TGFBRAP1: variants seen among roughly 807,000 people sequenced by gnomAD.
TGFBRAP1 encodes transforming growth factor beta receptor associated protein 1, also known as transforming growth factor-beta receptor-associated protein 1.
A neutral mutation model predicts 83.2 loss-of-function variants in TGFBRAP1; 20 were observed. The observed-to-expected ratio is 0.24, with a 90% CI of 0.17 to 0.35. The LOEUF (loss-of-function observed/expected upper bound fraction) is 0.35, where lower values mean the gene tolerates loss of function less well. Among genes scored for constraint, TGFBRAP1 ranks in the 10% least tolerant of loss-of-function variants. TGFBRAP1 has a pLI of 1.00. For synonymous variants in TGFBRAP1, 415 were observed against 459.8 expected (o/e 0.90, Z 1.25); for missense variants, 950 against 1,099.4 (o/e 0.86, Z 1.92).
chr2:105,322,886 G>GA (rs1558657929), intron 1 of TGFBRAP1, among the ~76,000 whole-genome samples: 1 of 152,152 alleles, frequency 6.6e-6, no homozygotes, highest in East Asian at 1.9e-4. Context: ...GACAAAAGTT[G>GA]CCATAGATCC....
In TGFBRAP1 at chr2:105,274,672, C is replaced by T. The variant is rs150692498; in HGVS notation, c.1665+888G>A. Among the ~76,000 whole-genome samples, 397 of 152,250 alleles carry T rather than the reference C, an allele frequency of 2.6e-3. 3 individuals carry two copies. The highest frequency in any genetic ancestry group is 9.0e-3 in the African/African-American group (375 of 41,548). On this transcript the variant is annotated intron_variant, in intron 8 of 11. Transcript: ENST00000393359. ...AGCAGGTCAGGATGTGCTCTGCAGG[C>T]GTGTGCACAGAGGCAAAGTAAAGAT... is the stretch of plus-strand genomic sequence containing the variant.
At chr2:105,303,078 C>T (rs535736197) in intron 2 of TGFBRAP1, among the ~76,000 whole-genome samples, 1 of 152,270 alleles carries the variant, frequency 6.6e-6, no homozygotes, top group East Asian at 1.9e-4. Context: ...AAAGGAGATA[C>T]AGGTACAATG....
the TGFBRAP1 span, among the ~76,000 whole-genome samples, chr2:105,253,623 G>A: frequency 3.3e-5 from 5 of 152,054 alleles, no homozygotes; most frequent in African/African-American, 1.2e-4. Flanking sequence ...TTTGTAGAAA[G>A]AGGGTCTCAC....
chr2:105,268,737 A>G (rs17030722), intron 11 of TGFBRAP1, among the ~76,000 whole-genome samples: 5,800 of 152,274 alleles, frequency 0.038, 129 homozygotes, highest in African/African-American at 0.057. Flanking sequence ...GCCATGTGGA[A>G]TTTAGGCCCA....
intron 5 of TGFBRAP1, among the ~76,000 whole-genome samples, chr2:105,284,050 C>A (rs562546757): frequency 6.6e-6 from 1 of 152,272 alleles, no homozygotes; most frequent in African/African-American, 2.4e-5. Context: ...GCAAAACAAT[C>A]TCGATGCCTC....
intron 8 of TGFBRAP1, 67 bp from the exon 9 acceptor site, chr2:105,273,757 G>T (rs896721012): frequency 8.3e-6 from 13 of 1,563,304 alleles, no homozygotes; most frequent in Non-Finnish European, 1.0e-5. Flanking sequence ...CTTTATTTTG[G>T]TCATTGCACA....
In TGFBRAP1 at chr2:105,269,048, G is replaced by A. The variant is rs117962371; in HGVS notation, c.2406+224C>T. Among the ~76,000 whole-genome samples, 69 of 152,268 alleles carry A rather than the reference G, an allele frequency of 4.5e-4. No homozygotes were observed. The highest frequency in any genetic ancestry group is 3.3e-3 in the East Asian group (17 of 5,184). ...CCTACAGACTCTCTTAATCACCAGC[G>A]TCCAAAAGGGGAGAAAAACTACACC... On this transcript the variant is annotated intron_variant, in intron 11 of 11. Coordinates refer to ENST00000393359, the MANE Select transcript of TGFBRAP1 (RefSeq NM_004257.6). The surrounding 1 kb of genome is among the most constrained non-coding windows in gnomAD (Gnocchi z 4.1).
At chr2:105,250,944 G>A in the TGFBRAP1 span, among the ~76,000 whole-genome samples, 1 of 152,230 alleles carries the variant, frequency 6.6e-6, no homozygotes, top group East Asian at 1.9e-4. Flanking sequence ...ACGGAGTCGC[G>A]TTCACTCAGT....
At chr2:105,258,509 G>T in the TGFBRAP1 span, among the ~76,000 whole-genome samples, 4 of 151,758 alleles carry the variant, frequency 2.6e-5, no homozygotes, top group Non-Finnish European at 5.9e-5. Context: ...GCTTGAGCTG[G>T]GATATCTCCT....
the TGFBRAP1 span, chr2:105,249,801 G>C: frequency 1.3e-5 from 2 of 152,200 alleles, no homozygotes; most frequent in East Asian, 3.9e-4. Flanking sequence ...GGCACAGAGG[G>C]AGCACCACAG....
At chr2:105,261,708 C>T (rs564991237), downstream of TGFBRAP1, among the ~76,000 whole-genome samples, 11 of 152,038 alleles carry the variant, frequency 7.2e-5, no homozygotes, top group African/African-American at 1.4e-4. Flanking sequence ...GCCGAGATCA[C>T]GCCACTGCAC....
At chr2:105,258,817 C>G in the TGFBRAP1 span, among the ~76,000 whole-genome samples, 3 of 151,718 alleles carry the variant, frequency 2.0e-5, no homozygotes, top group Non-Finnish European at 2.9e-5. Context: ...TCTGGAGAAC[C>G]CTGCCTGTTG....
At chr2:105,273,194 T>A (rs1677219784) in intron 9 of TGFBRAP1, among the ~76,000 whole-genome samples, 180 bp from the exon 10 acceptor site, 1 of 152,158 alleles carries the variant, frequency 6.6e-6, no homozygotes, top group East Asian at 1.9e-4. Context: ...TTACCATCTA[T>A]GGGGAATAGA....
intron 1 of TGFBRAP1, among the ~76,000 whole-genome samples, chr2:105,317,179 C>A (rs1411312953): frequency 6.6e-6 from 1 of 151,930 alleles, no homozygotes; most frequent in Admixed American, 6.6e-5. Context: ...TGGCTCACGC[C>A]TGTAATCCCA....
intron 5 of TGFBRAP1, among the ~76,000 whole-genome samples, chr2:105,283,668 G>C (rs990304919): frequency 6.6e-6 from 1 of 152,210 alleles, no homozygotes; most frequent in African/African-American, 2.4e-5. Flanking sequence ...CTCAGCTGTG[G>C]GACAAGGGCA....
intron 1 of TGFBRAP1, among the ~76,000 whole-genome samples, chr2:105,322,571 G>A (rs987186423): frequency 1.8e-4 from 27 of 152,074 alleles, no homozygotes; most frequent in African/African-American, 6.3e-4. Context: ...TCTGTGTTTA[G>A]ATGTGTTCAG....
intron 1 of TGFBRAP1, among the ~76,000 whole-genome samples, chr2:105,315,510 A>C (rs975317892): frequency 4.0e-4 from 61 of 152,238 alleles, no homozygotes; most frequent in African/African-American, 1.4e-3. Flanking sequence ...AAAAACTCCT[A>C]CAAACTAATA....
chr2:105,300,625 C>T (rs538476040), intron 2 of TGFBRAP1, among the ~76,000 whole-genome samples: 2 of 151,870 alleles, frequency 1.3e-5, no homozygotes, highest in South Asian at 2.1e-4. Context: ...TTAGTAGAGA[C>T]GGGGTTTCGC....
chr2:105,260,621 G>A (rs974141510), downstream of TGFBRAP1, among the ~76,000 whole-genome samples: 2 of 152,114 alleles, frequency 1.3e-5, no homozygotes, highest in Non-Finnish European at 2.9e-5. Context: ...TGTTTAATGG[G>A]GACAGGGTTT....
Sources: gnomAD v4.1 joint callset for allele counts (sites outside exome capture counted in the v4.1 genomes callset) on GRCh38, gnomAD v4.1.1 for gene constraint, Gnocchi (gnomAD v3.1) non-coding constraint, MANE v1.5 for transcripts, NCBI Gene and HGNC (gene_info 2026-07-23, HGNC 2026-07-21) for gene names.